SIAH3: variants seen among roughly 807,000 people sequenced by gnomAD.
The protein encoded by SIAH3 is seven in absentia homolog 3.
SIAH3 carries 9 observed loss-of-function variants against 12.6 expected under a neutral mutation model. The ratio of observed to expected loss-of-function variants is 0.72; its 90% CI spans 0.43 to 1.25. The LOEUF (loss-of-function observed/expected upper bound fraction) is 1.25. SIAH3 is among the 50% of genes most tolerant of loss of function. The pLI is 0.00. For missense variants in SIAH3, 390 were observed against 365.4 expected, an observed-to-expected ratio of 1.07 and a Z score of -0.55; for synonymous variants, 154 against 151.1, an observed-to-expected ratio of 1.02 and a Z score of -0.14.
chr13:45,843,034 C>G (rs2404597), intron 1 of SIAH3, among the ~76,000 whole-genome samples: 52,776 of 137,710 alleles, frequency 0.38, 10,693 homozygotes, highest in South Asian at 0.52. Context: ...CTCTCTCTCT[C>G]TGTGTGTGTG....
At position 45,797,146 on chromosome 13, in the gene SIAH3, G is replaced by GT. The variant is rs55667913; in HGVS notation, c.136-13090dup. Among the ~76,000 whole-genome samples, 758 of 147,774 alleles carry GT rather than the reference G, an allele frequency of 5.1e-3. 3 individuals carry two copies. Among genetic ancestry groups the GT allele is most frequent in the South Asian group, 0.039 (180 of 4,632 alleles). On this transcript the variant is annotated intron_variant, in intron 1 of 1. Coordinates refer to ENST00000400405, the MANE Select transcript of SIAH3 (RefSeq NM_198849.3). ...CGCAATTCAAATCGTCTCTATGCAG[G>GT]TTTTTTTTTTTTTTTAACACAATTC...
rs1484320462 is a variant in SIAH3 at position 45,783,170 on chromosome 13, A to G, written c.*213T>C. On this transcript the variant is annotated 3_prime_UTR_variant, in exon 2 of 2. Transcript: ENST00000400405. ...AAGGCAGGACAAACATCACACCAAG[A>G]TCTTAAATTACAGGATGTTTACATA... 1 of 332,924 alleles carries G rather than the reference A, an allele frequency of 3.0e-6. No homozygotes were observed. The highest frequency in any genetic ancestry group is 5.3e-6 in the Non-Finnish European group (1 of 188,032). The allele number at this position is 332,924 out of a possible 1,614,324, so 20.6% of individuals were successfully genotyped here.
intron 1 of SIAH3, among the ~76,000 whole-genome samples, chr13:45,791,311 A>G (rs1257123376): frequency 1.3e-5 from 2 of 152,218 alleles, no homozygotes; most frequent in Non-Finnish European, 2.9e-5. Flanking sequence ...TAGACTCTCA[A>G]TAAATGTTGG....
intron 1 of SIAH3, among the ~76,000 whole-genome samples, chr13:45,831,596 A>T (rs1324819831): frequency 6.6e-6 from 1 of 152,158 alleles, no homozygotes; most frequent in South Asian, 2.1e-4. Flanking sequence ...CAAGCAGTTT[A>T]TACTCTAATG....
chr13:45,826,229 A>G (rs1566094727), intron 1 of SIAH3, among the ~76,000 whole-genome samples: 1 of 152,038 alleles, frequency 6.6e-6, no homozygotes, highest in Non-Finnish European at 1.5e-5. Context: ...TGGATTGTAA[A>G]CCCTGTGAGA....
chr13:45,815,589 C>T (rs143273814), intron 1 of SIAH3, among the ~76,000 whole-genome samples: 1 of 152,226 alleles, frequency 6.6e-6, no homozygotes, highest in Non-Finnish European at 1.5e-5. Flanking sequence ...TTCTGGTCTC[C>T]GGAGAACCAT....
chr13:45,819,215 G>A (rs1950646134), intron 1 of SIAH3, among the ~76,000 whole-genome samples: 1 of 152,210 alleles, frequency 6.6e-6, no homozygotes. Context: ...CAAATCATCA[G>A]GGACTACTTG....
At chr13:45,793,140 C>T (rs919249189) in intron 1 of SIAH3, among the ~76,000 whole-genome samples, 4 of 152,200 alleles carry the variant, frequency 2.6e-5, no homozygotes, top group African/African-American at 9.7e-5. Flanking sequence ...TTGTGAGCAA[C>T]AGTGTTGTTC....
chr13:45,850,653 T>A (rs1435269565), intron 1 of SIAH3, among the ~76,000 whole-genome samples: 2 of 151,728 alleles, frequency 1.3e-5, no homozygotes, highest in Admixed American at 1.3e-4. Context: ...TCCCAGTCAG[T>A]CTTGGCTGTG....
At chr13:45,793,011 C>T (rs935753329) in intron 1 of SIAH3, among the ~76,000 whole-genome samples, 4 of 152,198 alleles carry the variant, frequency 2.6e-5, no homozygotes, top group African/African-American at 7.2e-5. Flanking sequence ...TAAAGATTAA[C>T]CTTTTTAATT....
intron 1 of SIAH3, among the ~76,000 whole-genome samples, 161 bp from the exon 2 acceptor site, chr13:45,784,218 C>T (rs1950518027): frequency 1.4e-5 from 2 of 144,872 alleles, no homozygotes; most frequent in African/African-American, 5.3e-5. Flanking sequence ...CAAACAAAAC[C>T]ACAAAGGACA....
intron 1 of SIAH3, among the ~76,000 whole-genome samples, chr13:45,827,562 G>A (rs1306903389): frequency 6.6e-6 from 1 of 152,114 alleles, no homozygotes; most frequent in East Asian, 1.9e-4. Context: ...TTCTCAGAGG[G>A]GTTGGGAAAG....
intron 1 of SIAH3, among the ~76,000 whole-genome samples, chr13:45,839,764 G>A (rs191889662): frequency 4.6e-5 from 7 of 152,024 alleles, no homozygotes; most frequent in East Asian, 3.9e-4. Flanking sequence ...CCCGGGAGGC[G>A]GAGGTTGCAG....
At chr13:45,798,428 C>T (rs967585751) in intron 1 of SIAH3, among the ~76,000 whole-genome samples, 1 of 152,178 alleles carries the variant, frequency 6.6e-6, no homozygotes, top group African/African-American at 2.4e-5. Context: ...TGGTCCCTAT[C>T]CTCAGAGAGC....
At chr13:45,793,761 G>A (rs567268299) in intron 1 of SIAH3, among the ~76,000 whole-genome samples, 1 of 152,220 alleles carries the variant, frequency 6.6e-6, no homozygotes, top group Non-Finnish European at 1.5e-5. Context: ...TGATAGGTTA[G>A]AAGACTGCCC....
At chr13:45,844,842 T>G (rs1566099050) in intron 1 of SIAH3, among the ~76,000 whole-genome samples, 1 of 152,212 alleles carries the variant, frequency 6.6e-6, no homozygotes. Flanking sequence ...GATAAAAGTT[T>G]AAAAGCTAAT....
At chr13:45,825,511 A>G (rs751602945) in intron 1 of SIAH3, among the ~76,000 whole-genome samples, 50 of 152,058 alleles carry the variant, frequency 3.3e-4, no homozygotes, top group Non-Finnish European at 6.0e-4. Flanking sequence ...GCTTAGTGTC[A>G]CCTTGGAGGG....
In SIAH3 at chr13:45,777,458, G is replaced by A. The variant is rs1358154031; in HGVS notation, c.*5925C>T. ...AAAAAAGACTGAAAAAGGTTGAGGAGTATTTATAGTATAGTAGCCAAGGTG... is the reference window on the plus strand; with the variant it reads ...AAAAAAGACTGAAAAAGGTTGAGGAATATTTATAGTATAGTAGCCAAGGTG... On this transcript the variant is annotated 3_prime_UTR_variant, in exon 2 of 2. Coordinates refer to ENST00000400405, the MANE Select transcript of SIAH3 (RefSeq NM_198849.3). The A allele has an allele frequency of 2.6e-5, 4 of 152,126 alleles. No individual in the cohort carries two copies. Among genetic ancestry groups the A allele is most frequent in the African/African-American group, 9.7e-5 (4 of 41,416 alleles). 9.4% of individuals were successfully genotyped at this position (152,126 alleles called of 1,614,324 possible). A position where few individuals can be genotyped will look rare whatever the true frequency, so the allele number is the denominator to read the frequency against.
At chr13:45,846,155 T>C (rs1022953461) in intron 1 of SIAH3, among the ~76,000 whole-genome samples, 6 of 144,984 alleles carry the variant, frequency 4.1e-5, no homozygotes, top group Non-Finnish European at 7.4e-5. Flanking sequence ...AGTGGTGTGA[T>C]CTCAGCTCAC....
Sources: gnomAD v4.1 joint callset for allele counts (sites outside exome capture counted in the v4.1 genomes callset) on GRCh38, gnomAD v4.1.1 for gene constraint, MANE v1.5 for transcripts, NCBI Gene and HGNC (gene_info 2026-07-23, HGNC 2026-07-21) for gene names.